Variants in FLVCR2 observed in about 807,000 individuals in gnomAD.
FLVCR2 encodes the protein FLVCR choline and putative heme transporter 2.
Under a neutral mutation model 48.9 loss-of-function variants are expected in FLVCR2, and 38 were observed. That is an observed-to-expected ratio of 0.78 (90% CI 0.60 to 1.02). FLVCR2 has a LOEUF of 1.02. FLVCR2 is among the 50% of genes least tolerant of loss of function. The pLI is 0.00. For synonymous variants in FLVCR2, 255 were observed against 257.0 expected, an observed-to-expected ratio of 0.99 and a Z score of 0.07; for missense variants, 664 against 663.3, an observed-to-expected ratio of 1.00 and a Z score of -0.01.
intron 2 of FLVCR2, 57 bp from the exon 3 acceptor site, chr14:75,624,555 G>C (rs1462919484): frequency 6.2e-7 from 1 of 1,608,456 alleles, no homozygotes; most frequent in Non-Finnish European, 8.5e-7. Flanking sequence ...TGTGGAACCA[G>C]CTCTTCTGGG....
chr14:75,582,545 C>T (rs551025733), intron 1 of FLVCR2, among the ~76,000 whole-genome samples: 18 of 152,240 alleles, frequency 1.2e-4, no homozygotes, highest in African/African-American at 3.9e-4. Context: ...GGCTGCCACA[C>T]GGAGACATGA....
Position 75,596,231 on chromosome 14 carries a change from C to T in FLVCR2, c.669+16590C>T, listed in dbSNP as rs116509828. The T allele has an allele frequency of 9.8e-4, 624 of 633,622 alleles. 2 individuals carry two copies. The highest frequency in any genetic ancestry group is 7.7e-3 in the African/African-American group (423 of 54,848). The allele number at this position is 633,622 out of a possible 1,614,324, so 39.2% of individuals were successfully genotyped here. A position where few individuals can be genotyped will look rare whatever the true frequency, so the allele number is the denominator to read the frequency against. ...TGATGGTGGTCTATCCTCAGACAGCCAGGGAGGAAAAGCATGACTGTCTGC... is the reference window on the plus strand; with the variant it reads ...TGATGGTGGTCTATCCTCAGACAGCTAGGGAGGAAAAGCATGACTGTCTGC... On this transcript the variant is annotated intron_variant, in intron 1 of 9. Coordinates refer to ENST00000238667, the MANE Select transcript of FLVCR2 (RefSeq NM_017791.3).
intron 1 of FLVCR2, among the ~76,000 whole-genome samples, chr14:75,610,192 CT>C (rs566802652): frequency 8.1e-4 from 123 of 152,236 alleles, no homozygotes; most frequent in African/African-American, 2.8e-3. Flanking sequence ...GCACAGTCAG[CT>C]AGAGGGACAT....
intron 1 of FLVCR2, among the ~76,000 whole-genome samples, chr14:75,586,457 GA>G (rs1402572751): frequency 5.3e-5 from 8 of 152,242 alleles, no homozygotes; most frequent in Non-Finnish European, 1.0e-4. Context: ...GTGCAAGTCA[GA>G]GGGGATATGA....
intron 1 of FLVCR2, chr14:75,596,322 T>C (rs1793426353): frequency 2.4e-6 from 1 of 413,472 alleles, no homozygotes; most frequent in African/African-American, 2.0e-5. Context: ...ACAAGGCCAG[T>C]AGTGACTAAA....
intron 1 of FLVCR2, among the ~76,000 whole-genome samples, chr14:75,602,162 C>A (rs184004562): frequency 1.5e-3 from 223 of 152,330 alleles, no homozygotes; most frequent in Admixed American, 2.3e-3. Context: ...ATGTGCTCAC[C>A]AACCAGAAGC....
intron 1 of FLVCR2, among the ~76,000 whole-genome samples, chr14:75,582,936 G>A (rs1888647139): frequency 1.3e-5 from 2 of 152,240 alleles, no homozygotes; most frequent in Admixed American, 1.3e-4. Context: ...TCAGCAGGGA[G>A]AGCACATTGT....
At chr14:75,586,321 G>T (rs543844214) in intron 1 of FLVCR2, among the ~76,000 whole-genome samples, 3 of 152,292 alleles carry the variant, frequency 2.0e-5, no homozygotes, top group African/African-American at 7.2e-5. Context: ...AAGGGTGGGG[G>T]AGATTACAAA....
At chr14:75,631,753 A>T (rs1173977547) in intron 3 of FLVCR2, 2 of 455,998 alleles carry the variant, frequency 4.4e-6, no homozygotes, top group South Asian at 3.1e-5. Context: ...CCCACGCTCC[A>T]CCTCACTTGG....
At chr14:75,624,545 T>C (rs1889848469) in intron 2 of FLVCR2, 67 bp from the exon 3 acceptor site, 13 of 1,587,206 alleles carry the variant, frequency 8.2e-6, no homozygotes, top group South Asian at 1.1e-5. Flanking sequence ...CTTTCATTCA[T>C]GTGGAACCAG....
chr14:75,589,634 G>T (rs1170356195), intron 1 of FLVCR2, among the ~76,000 whole-genome samples: 1 of 152,290 alleles, frequency 6.6e-6, no homozygotes, highest in South Asian at 2.1e-4. Context: ...ACCCTTGTGG[G>T]GGCTCTCTGC....
intron 1 of FLVCR2, among the ~76,000 whole-genome samples, chr14:75,581,666 C>A (rs371344599): frequency 7.3e-4 from 111 of 152,332 alleles, no homozygotes; most frequent in African/African-American, 2.6e-3. Context: ...GTGAAAGTGT[C>A]TACCCAGACC....
intron 1 of FLVCR2, among the ~76,000 whole-genome samples, chr14:75,613,291 C>T (rs1184282404): frequency 6.6e-6 from 1 of 152,078 alleles, no homozygotes; most frequent in Non-Finnish European, 1.5e-5. Context: ...CCTTAGGAAG[C>T]TTCCAATCAT....
In FLVCR2 at chr14:75,633,550, C is replaced by A. The variant is rs577057825; in HGVS notation, c.953-79C>A. 30 of 1,157,086 alleles carry A rather than the reference C, an allele frequency of 2.6e-5. No individual in the cohort carries two copies. In the South Asian group the frequency reaches 2.9e-4, roughly 11 times the overall value. 71.7% of individuals were successfully genotyped at this position (1,157,086 alleles called of 1,614,324 possible). A position where few individuals can be genotyped will look rare whatever the true frequency, so the allele number is the denominator to read the frequency against. ...TGAGATGAGGATTTCTGCCCACCCC[C>A]CAAATGCTGGGGGAGAAGTTAGCAA... On this transcript the variant is annotated intron_variant, in intron 3 of 9. Transcript: ENST00000238667.
At chr14:75,623,880 G>A (rs565007576) in intron 2 of FLVCR2, among the ~76,000 whole-genome samples, 14 of 151,906 alleles carry the variant, frequency 9.2e-5, no homozygotes, top group South Asian at 2.1e-4. Flanking sequence ...GTGAAACCTC[G>A]TCTCTACTAA....
intron 5 of FLVCR2, among the ~76,000 whole-genome samples, chr14:75,638,239 C>A (rs1457541436): frequency 2.0e-5 from 3 of 152,038 alleles, no homozygotes; most frequent in Non-Finnish European, 4.4e-5. Flanking sequence ...AGTTTGAGAC[C>A]AGCCTGGCCA....
rs1415072487 is a variant in FLVCR2, at chr14:75,647,737, T to C, written c.*1265T>C. On this transcript the variant is annotated 3_prime_UTR_variant, in exon 10 of 10. Transcript: ENST00000238667. ...AATGAGGTTTTGGTAATTTTTCCTATGCATTGGGCAACTGTGATCGTGACC... is the reference window on the plus strand; with the variant it reads ...AATGAGGTTTTGGTAATTTTTCCTACGCATTGGGCAACTGTGATCGTGACC... 3 of 152,726 alleles carry C rather than the reference T, an allele frequency of 2.0e-5. No homozygotes were observed. Among genetic ancestry groups the C allele is most frequent in the African/African-American group, 4.8e-5 (2 of 41,474 alleles). 9.5% of individuals were successfully genotyped at this position (152,726 alleles called of 1,614,324 possible).
chr14:75,633,031 CA>C, intron 3 of FLVCR2: 1 of 699,446 alleles, frequency 1.4e-6, no homozygotes, highest in Non-Finnish European at 2.6e-6. Flanking sequence ...CAGCCTTTCA[CA>C]GCATATTCTA....
chr14:75,614,811 C>T (rs1889565282), intron 1 of FLVCR2, among the ~76,000 whole-genome samples: 1 of 152,156 alleles, frequency 6.6e-6, no homozygotes, highest in South Asian at 2.1e-4. Flanking sequence ...GAAACAGGCA[C>T]ATCTTACATG....
Sources: allele counts gnomAD v4.1 joint callset (sites outside exome capture counted in the v4.1 genomes callset), GRCh38; gene constraint gnomAD v4.1.1; transcripts MANE v1.5; gene names NCBI Gene and HGNC (gene_info 2026-07-23, HGNC 2026-07-21).